RBMS3: variants seen among roughly 807,000 people sequenced by gnomAD.
The protein encoded by RBMS3 is RNA binding motif single stranded interacting protein 3, also known as RNA-binding motif, single-stranded-interacting protein 3.
Under a neutral mutation model 66.8 loss-of-function variants are expected in RBMS3, and 27 were observed. The observed-to-expected ratio is 0.40, with a 90% CI of 0.30 to 0.56. The LOEUF (loss-of-function observed/expected upper bound fraction) is 0.56, where lower values mean the gene tolerates loss of function less well. RBMS3 is among the 20% of genes least tolerant of loss of function. The pLI, the probability that RBMS3 is intolerant of heterozygous loss-of-function variation, is 0.40. For synonymous variants in RBMS3, 188 were observed against 183.0 expected (o/e 1.03, Z -0.22); for missense variants, 513 against 549.5 (o/e 0.93, Z 0.66).
At chr3:29,968,826 C>T (rs911483484) in intron 12 of RBMS3, among the ~76,000 whole-genome samples, 3 of 152,234 alleles carry the variant, frequency 2.0e-5, no homozygotes, top group Admixed American at 2.0e-4. Context: ...CCGCATGCTG[C>T]TCTGTCCGGA....
At chr3:29,408,289 AAAAG>A (rs2040115891) in intron 1 of RBMS3, among the ~76,000 whole-genome samples, 1 of 151,626 alleles carries the variant, frequency 6.6e-6, no homozygotes, top group African/African-American at 2.4e-5. Flanking sequence ...AAAAAAAAAA[AAAAG>A]GAAGTAGGAA....
rs1361464401 is a variant in RBMS3, at chr3:29,611,618, AG to A, written c.399+24414del. On this transcript the variant is annotated intron_variant, in intron 4 of 14. Coordinates refer to ENST00000383767, the MANE Select transcript of RBMS3 (RefSeq NM_001003793.3). ...AGAATCTTCATAAGTTCGTAATTCA[AG>A]TTAATCTTTCAATGGATAAAGCCAG... Among the ~76,000 whole-genome samples, 4 of 152,048 alleles carry A rather than the reference AG, an allele frequency of 2.6e-5. No homozygotes were observed. The South Asian group carries it at 8.3e-4, about 31-fold the overall frequency.
intron 2 of RBMS3, among the ~76,000 whole-genome samples, chr3:29,440,083 T>C (rs2041559619): frequency 6.6e-6 from 1 of 152,212 alleles, no homozygotes; most frequent in Admixed American, 6.5e-5. Context: ...TATTTTGTCC[T>C]TCCAAGAAAT....
At chr3:29,367,764 C>T (rs895000596) in intron 1 of RBMS3, among the ~76,000 whole-genome samples, 2 of 152,024 alleles carry the variant, frequency 1.3e-5, no homozygotes, top group African/African-American at 2.4e-5. Flanking sequence ...TAATATTCCC[C>T]TATGCTTAAT....
At chr3:29,929,591 T>TA (rs5847607) in intron 10 of RBMS3, among the ~76,000 whole-genome samples, 79,799 of 150,964 alleles carry the variant, frequency 0.53, 23,324 homozygotes, top group Middle Eastern at 0.67. Flanking sequence ...ATTATAACTT[T>TA]AAAAAAAAAT....
At chr3:29,709,598 A>C (rs891294374) in intron 4 of RBMS3, among the ~76,000 whole-genome samples, 2 of 152,186 alleles carry the variant, frequency 1.3e-5, no homozygotes, top group African/African-American at 4.8e-5. Context: ...CTTCATTATC[A>C]GTACTCACTG....
At chr3:29,557,943 G>T (rs1286735317) in intron 3 of RBMS3, among the ~76,000 whole-genome samples, 3 of 152,112 alleles carry the variant, frequency 2.0e-5, no homozygotes, top group African/African-American at 2.4e-5. Context: ...TCTGATTTAA[G>T]AAGTCATTGC....
chr3:29,619,446 C>T (rs946792317), intron 4 of RBMS3, among the ~76,000 whole-genome samples: 5 of 152,066 alleles, frequency 3.3e-5, no homozygotes, highest in African/African-American at 1.2e-4. Context: ...GGTGAGGACC[C>T]TGTTGTCAAT....
In RBMS3 at chr3:29,762,962, T is replaced by C. The variant is rs781589599; in HGVS notation, c.610T>C (p.Tyr204His). 5.6e-6 allele frequency: 9 copies of C among 1,609,328 alleles called. No individual in the cohort carries two copies. In the South Asian group the frequency reaches 7.8e-5, roughly 14 times the overall value. Reference sequence around the variant, plus strand: ...GGTAATTCAACATTTTAATGGAAAATATCTGAAAACACCACCAGGCATCCC... The same window carrying C: ...GGTAATTCAACATTTTAATGGAAAACATCTGAAAACACCACCAGGCATCCC... Reference protein sequence around the residue: ...EVVIQHFNGKYLKTPPGIPAP... With the variant: ...EVVIQHFNGKHLKTPPGIPAP... The change falls in exon 6 of 15, where the codon TAT becomes CAT. Residue 204 changes from tyrosine (Y) to histidine (H), a missense_variant. Physicochemically the swap from Tyr to His is moderately conservative, Grantham distance 83. Coordinates refer to ENST00000383767, the MANE Select transcript of RBMS3 (RefSeq NM_001003793.3).
intron 2 of RBMS3, among the ~76,000 whole-genome samples, chr3:29,444,156 A>G (rs2041729734): frequency 6.6e-6 from 1 of 152,100 alleles, no homozygotes; most frequent in African/African-American, 2.4e-5. Context: ...TGGCTTTTAA[A>G]TCCATATTGA....
intron 4 of RBMS3, among the ~76,000 whole-genome samples, chr3:29,655,702 T>C (rs562136476): frequency 9.3e-4 from 141 of 152,344 alleles, no homozygotes; most frequent in African/African-American, 3.2e-3. Flanking sequence ...TTTGTTATTT[T>C]AGAATGTACC....
chr3:29,813,154 C>T (rs1460861521), intron 6 of RBMS3, among the ~76,000 whole-genome samples: 3 of 152,008 alleles, frequency 2.0e-5, no homozygotes, highest in Non-Finnish European at 4.4e-5. Flanking sequence ...ATACCTGTGG[C>T]TACACCTTTT....
At chr3:29,824,479 A>C (rs1425826934) in intron 6 of RBMS3, among the ~76,000 whole-genome samples, 1 of 152,218 alleles carries the variant, frequency 6.6e-6, no homozygotes, top group African/African-American at 2.4e-5. Flanking sequence ...AAAGAGTCAC[A>C]TCTTTTAAAA....
At chr3:29,517,383 C>T (rs1036726786) in intron 3 of RBMS3, among the ~76,000 whole-genome samples, 12 of 149,796 alleles carry the variant, frequency 8.0e-5, no homozygotes, top group African/African-American at 1.5e-4. Context: ...AGTACAGTGG[C>T]GCAATCTTGG....
chr3:29,787,851 AAAATT>A (rs2056872473), intron 6 of RBMS3, among the ~76,000 whole-genome samples: 1 of 152,214 alleles, frequency 6.6e-6, no homozygotes, highest in South Asian at 2.1e-4. Context: ...AAAAAAATTA[AAAATT>A]AAAGTAAAAT....
intron 12 of RBMS3, among the ~76,000 whole-genome samples, chr3:29,963,355 C>T (rs1434662389): frequency 6.6e-6 from 1 of 152,014 alleles, no homozygotes; most frequent in Non-Finnish European, 1.5e-5. Context: ...TTAAATCTTC[C>T]CAGGTGATTA....
intron 3 of RBMS3, among the ~76,000 whole-genome samples, chr3:29,549,392 G>A (rs1262325306): frequency 1.4e-5 from 2 of 147,982 alleles, no homozygotes; most frequent in African/African-American, 5.1e-5. Context: ...AATACAATTG[G>A]ATTGATTTTT....
chr3:29,853,371 C>G (rs2058985082), intron 6 of RBMS3, among the ~76,000 whole-genome samples: 1 of 147,000 alleles, frequency 6.8e-6, no homozygotes, highest in African/African-American at 2.6e-5. Context: ...ACAAGTTCAT[C>G]TGCTTTTTAG....
intron 6 of RBMS3, among the ~76,000 whole-genome samples, chr3:29,777,323 T>G (rs1273290546): frequency 1.3e-5 from 2 of 151,928 alleles, no homozygotes; most frequent in Non-Finnish European, 2.9e-5. Context: ...CCTTTGTTAT[T>G]CTTTTATCTC....
Sources: allele counts gnomAD v4.1 joint callset (sites outside exome capture counted in the v4.1 genomes callset), GRCh38; gene constraint gnomAD v4.1.1; transcripts MANE v1.5; gene names NCBI Gene and HGNC (gene_info 2026-07-23, HGNC 2026-07-21).